RPF2: variants seen among roughly 807,000 people sequenced by gnomAD.
The protein encoded by RPF2 is ribosome production factor 2 homolog, also known as brix domain containing 1.
In RPF2, 21 loss-of-function variants were observed where a neutral mutation model predicts 38.9. The observed-to-expected ratio is 0.54, with a 90% CI of 0.38 to 0.78. RPF2 has a LOEUF of 0.78. RPF2 is among the 30% of genes least tolerant of loss of function. RPF2 has a pLI of 0.00. For synonymous variants in RPF2, 121 were observed against 126.2 expected (o/e 0.96, Z 0.28); for missense variants, 314 against 358.1 (o/e 0.88, Z 0.99).
At chr6:110,983,355 GT>G (rs11301099) in intron 1 of RPF2, among the ~76,000 whole-genome samples, 37,391 of 150,894 alleles carry the variant, frequency 0.25, 5,314 homozygotes, top group East Asian at 0.65. Flanking sequence ...TAAAAAATTT[GT>G]TTTTTTTTGA....
intron 8 of RPF2, among the ~76,000 whole-genome samples, chr6:111,017,741 G>T (rs1306809736): frequency 2.1e-3 from 303 of 145,722 alleles, no homozygotes; most frequent in East Asian, 0.01. Context: ...GGGCAGCCGG[G>T]CAGAGGGGCT....
At chr6:111,023,401 A>G (rs1026735045) in intron 8 of RPF2, among the ~76,000 whole-genome samples, 4 of 152,236 alleles carry the variant, frequency 2.6e-5, no homozygotes, top group Non-Finnish European at 4.4e-5. Flanking sequence ...TTTAACTCCT[A>G]CAGTCTTAGA....
chr6:111,008,898 C>CTTTTTTTT (rs57167034), intron 7 of RPF2, among the ~76,000 whole-genome samples: 2 of 120,414 alleles, frequency 1.7e-5, no homozygotes, highest in African/African-American at 3.3e-5. Flanking sequence ...TTCCTGGCTC[C>CTTTTTTTT]TTTTTTTTTT....
chr6:111,016,355 G>A (rs751223352), intron 8 of RPF2, among the ~76,000 whole-genome samples: 5 of 152,154 alleles, frequency 3.3e-5, no homozygotes, highest in Non-Finnish European at 5.9e-5. Context: ...CACTTTGGGA[G>A]GCTGAGGCAG....
At chr6:111,021,214 A>G (rs926074829) in intron 8 of RPF2, among the ~76,000 whole-genome samples, 9 of 151,224 alleles carry the variant, frequency 6.0e-5, no homozygotes, top group Non-Finnish European at 1.2e-4. Context: ...CAGTGTAACT[A>G]TAATACATAG....
At chr6:111,018,616 G>A (rs1390741103) in intron 8 of RPF2, among the ~76,000 whole-genome samples, 1 of 151,618 alleles carries the variant, frequency 6.6e-6, no homozygotes, top group South Asian at 2.1e-4. Context: ...TTCCATCTTG[G>A]GCTCAACTGT....
At position 110,999,096 on chromosome 6, in the gene RPF2, G is replaced by T. The variant is rs572490147; in HGVS notation, c.317-615G>T. Among the ~76,000 whole-genome samples the T allele has an allele frequency of 1.6e-4, 24 of 152,196 alleles. No individual in the cohort carries two copies. The South Asian group carries it at 4.6e-3, about 29-fold the overall frequency. ...GTTTCTTAGAATGCCTTTTCCTTCT[G>T]TCTCTGTCGGAATCAAATTCTGGTT... On this transcript the variant is annotated intron_variant, in intron 5 of 9. Coordinates refer to ENST00000441448, the MANE Select transcript of RPF2 (RefSeq NM_032194.3).
At chr6:111,011,854 G>A (rs890449821) in intron 7 of RPF2, among the ~76,000 whole-genome samples, 3 of 152,098 alleles carry the variant, frequency 2.0e-5, no homozygotes, top group Non-Finnish European at 2.9e-5. Context: ...ATCACATAAT[G>A]CAGTGGTGAG....
chr6:111,019,737 A>G (rs1023724803), intron 8 of RPF2, among the ~76,000 whole-genome samples: 7 of 152,130 alleles, frequency 4.6e-5, no homozygotes, highest in African/African-American at 1.7e-4. Flanking sequence ...GACATAAAGT[A>G]ATAAAATAAA....
At chr6:110,998,537 CA>C (rs1356718913) in intron 5 of RPF2, among the ~76,000 whole-genome samples, 2 of 152,252 alleles carry the variant, frequency 1.3e-5, no homozygotes, top group East Asian at 3.9e-4. Context: ...TTCAATGTCA[CA>C]AGGTGAAAAC....
intron 4 of RPF2, among the ~76,000 whole-genome samples, chr6:110,994,169 G>A (rs540588902): frequency 2.2e-4 from 33 of 152,164 alleles, no homozygotes; most frequent in South Asian, 8.3e-4. Flanking sequence ...CCAGCTACTC[G>A]GGAGGTGAGG....
At chr6:110,990,320 T>A (rs1340533792) in intron 3 of RPF2, among the ~76,000 whole-genome samples, 2 of 152,206 alleles carry the variant, frequency 1.3e-5, no homozygotes, top group Non-Finnish European at 2.9e-5. Flanking sequence ...TTCTCCAATT[T>A]GTGACAGTTC....
chr6:110,996,826 G>GTTTTTTTT (rs1771719525), intron 4 of RPF2, among the ~76,000 whole-genome samples: 1 of 152,054 alleles, frequency 6.6e-6, no homozygotes, highest in Non-Finnish European at 1.5e-5. Context: ...TTTTTAGACA[G>GTTTTTTTT]AGTCTTACTC....
At chr6:110,994,134 G>A (rs544356799) in intron 4 of RPF2, among the ~76,000 whole-genome samples, 32 of 152,270 alleles carry the variant, frequency 2.1e-4, no homozygotes, top group African/African-American at 7.5e-4. Flanking sequence ...AAATTAGCCA[G>A]GCGTGGTGGC....
chr6:111,012,992 A>T (rs1262755316), intron 7 of RPF2, among the ~76,000 whole-genome samples: 1 of 152,166 alleles, frequency 6.6e-6, no homozygotes, highest in Non-Finnish European at 1.5e-5. Flanking sequence ...ATACAGTATT[A>T]TTATACTTTA....
chr6:110,992,486 C>T (rs1198801031), intron 4 of RPF2, among the ~76,000 whole-genome samples: 1 of 147,772 alleles, frequency 6.8e-6, no homozygotes, highest in African/African-American at 2.5e-5. Context: ...GTATGTTGCC[C>T]AGGCTGGTCT....
In RPF2 at chr6:110,985,124, G is replaced by C. The variant is rs1274914976; in HGVS notation, c.142G>C (p.Val48Leu). 5 of 1,613,286 alleles carry C rather than the reference G, an allele frequency of 3.1e-6. No homozygotes were observed. Among genetic ancestry groups the C allele is most frequent in the Non-Finnish European group, 3.4e-6 (4 of 1,179,604 alleles). The change falls in exon 2 of 10, where the codon GTA becomes CTA. Residue 48 changes from valine (V) to leucine (L), a missense_variant. By Grantham distance (32) the Val-to-Leu change is conservative. Coordinates refer to ENST00000441448, the MANE Select transcript of RPF2 (RefSeq NM_032194.3). ...AAATGCAAATGCAACAGTGACAAAA[G>C]TACTTAAAGATGTGGTAAGTATATA... The part of the protein sequence containing the change: ...GGNANATVTK[V>L]LKDVYALKKP...
At chr6:111,024,510 G>A (rs1291841787) in intron 9 of RPF2, among the ~76,000 whole-genome samples, 183 bp downstream of exon 9, 3 of 151,968 alleles carry the variant, frequency 2.0e-5, no homozygotes, top group Non-Finnish European at 2.9e-5. Flanking sequence ...TCAGGAGATC[G>A]AGACCATCCT....
intron 8 of RPF2, among the ~76,000 whole-genome samples, chr6:111,016,089 A>G (rs1772103187): frequency 6.6e-6 from 1 of 152,202 alleles, no homozygotes; most frequent in Non-Finnish European, 1.5e-5. Flanking sequence ...AGCCAGGTGC[A>G]CCAACCCTTC....
Sources: gnomAD v4.1 joint callset for allele counts (sites outside exome capture counted in the v4.1 genomes callset) on GRCh38, gnomAD v4.1.1 for gene constraint, MANE v1.5 for transcripts, NCBI Gene and HGNC (gene_info 2026-07-23, HGNC 2026-07-21) for gene names.